Variants in CTNND2 observed in about 807,000 individuals in gnomAD.
The protein encoded by CTNND2 is catenin delta 2, also known as catenin delta-2.
CTNND2 carries 22 observed loss-of-function variants against 144.4 expected under a neutral mutation model. The ratio of observed to expected loss-of-function variants is 0.15; its 90% CI spans 0.11 to 0.22. The LOEUF is 0.22. CTNND2 is among the 10% of genes least tolerant of loss of function. The pLI, the probability that CTNND2 is intolerant of heterozygous loss-of-function variation, is 1.00. For synonymous variants in CTNND2, 751 were observed against 695.6 expected, an observed-to-expected ratio of 1.08 and a Z score of -1.25; for missense variants, 1,353 against 1,618.8, an observed-to-expected ratio of 0.84 and a Z score of 2.82.
At chr5:11,411,989 A>C in intron 4 of CTNND2, 46 bp downstream of exon 4, 1 of 1,469,588 alleles carries the variant, frequency 6.8e-7, no homozygotes, top group Non-Finnish European at 9.5e-7. Context: ...TCATCAGTAG[A>C]GATATGTTTA....
intron 1 of CTNND2, among the ~76,000 whole-genome samples, chr5:11,758,282 T>C (rs964828814): frequency 6.6e-6 from 1 of 151,958 alleles, no homozygotes; most frequent in Non-Finnish European, 1.5e-5. Context: ...TGTTTTGATA[T>C]ATATTTATGG....
At chr5:11,898,545 T>G (rs1737589066) in intron 1 of CTNND2, among the ~76,000 whole-genome samples, 1 of 152,182 alleles carries the variant, frequency 6.6e-6, no homozygotes, top group African/African-American at 2.4e-5. Flanking sequence ...TATTTTCTAA[T>G]ATCAATGATC....
At chr5:11,469,357 T>C (rs1766950829) in intron 3 of CTNND2, among the ~76,000 whole-genome samples, 1 of 152,176 alleles carries the variant, frequency 6.6e-6, no homozygotes, top group African/African-American at 2.4e-5. Context: ...GATCAGCCAA[T>C]ATCAGTTCAG....
At chr5:11,230,574 C>T (rs906507558) in intron 10 of CTNND2, among the ~76,000 whole-genome samples, 2 of 152,150 alleles carry the variant, frequency 1.3e-5, no homozygotes, top group South Asian at 2.1e-4. Context: ...ATCATGCCTG[C>T]GCCCTTTAAA....
chr5:11,662,487 T>C (rs948644688), intron 2 of CTNND2, among the ~76,000 whole-genome samples: 7 of 151,882 alleles, frequency 4.6e-5, no homozygotes, highest in Admixed American at 4.6e-4. Context: ...GCTAAGCCAG[T>C]CTAGACTTTT....
At chr5:11,444,173 G>A (rs1764588790) in intron 3 of CTNND2, among the ~76,000 whole-genome samples, 1 of 152,210 alleles carries the variant, frequency 6.6e-6, no homozygotes, top group Non-Finnish European at 1.5e-5. Context: ...TGAATGCACT[G>A]TGGAAGTGAT....
chr5:11,143,456 T>G (rs978245816), intron 12 of CTNND2, among the ~76,000 whole-genome samples: 1 of 152,206 alleles, frequency 6.6e-6, no homozygotes, highest in Admixed American at 6.5e-5. Context: ...CTGGCAGTCT[T>G]TGATGCTCTA....
chr5:11,225,800 A>G (rs776744759), intron 10 of CTNND2, among the ~76,000 whole-genome samples: 1 of 152,176 alleles, frequency 6.6e-6, no homozygotes, highest in Admixed American at 6.5e-5. Context: ...GATATATTGA[A>G]ACCCTAGTAC....
chr5:11,175,605 GA>G (rs1760402377), intron 11 of CTNND2, among the ~76,000 whole-genome samples: 3 of 149,878 alleles, frequency 2.0e-5, no homozygotes, highest in Non-Finnish European at 4.4e-5. Flanking sequence ...TGTATTGATG[GA>G]CATTTAAGTT....
chr5:11,846,647 G>A (rs78265923), intron 1 of CTNND2, among the ~76,000 whole-genome samples: 37 of 152,208 alleles, frequency 2.4e-4, no homozygotes, highest in African/African-American at 8.7e-4. Context: ...ACAATAAAGT[G>A]AAGAGACACC....
chr5:11,169,479 C>A (rs1412547099), intron 11 of CTNND2, among the ~76,000 whole-genome samples: 3 of 152,172 alleles, frequency 2.0e-5, no homozygotes, highest in Admixed American at 6.5e-5. Context: ...TCCATAAATT[C>A]ATCACCTTAT....
At chr5:11,547,246 C>T (rs749080388) in intron 3 of CTNND2, among the ~76,000 whole-genome samples, 40 of 145,840 alleles carry the variant, frequency 2.7e-4, no homozygotes, top group Middle Eastern at 3.5e-3. Flanking sequence ...CTGGCCTGGG[C>T]GACAGTGTGA....
intron 1 of CTNND2, among the ~76,000 whole-genome samples, chr5:11,795,775 TTC>T (rs1278991898): frequency 6.6e-6 from 1 of 152,234 alleles, no homozygotes; most frequent in East Asian, 1.9e-4. Flanking sequence ...GATGTGACTC[TTC>T]TGTCTTACTC....
chr5:11,753,773 G>A (rs1388448663), intron 1 of CTNND2, among the ~76,000 whole-genome samples: 2 of 151,744 alleles, frequency 1.3e-5, no homozygotes. Flanking sequence ...ACACCTGATA[G>A]AACTCAGATG....
At chr5:11,366,322 C>T (rs1456826770) in intron 7 of CTNND2, among the ~76,000 whole-genome samples, 1 of 152,020 alleles carries the variant, frequency 6.6e-6, no homozygotes, top group East Asian at 1.9e-4. Context: ...ACACAGAGAA[C>T]AGTATTCCTG....
intron 2 of CTNND2, among the ~76,000 whole-genome samples, chr5:11,674,716 T>TTTGTTTGTTTGGTTGGTTGG (rs368963579): frequency 3.0e-4 from 45 of 151,000 alleles, no homozygotes; most frequent in African/African-American, 1.0e-3. Flanking sequence ...TGTTTGTTTG[T>TTTGTTTGTTTGGTTGGTTGG]TTGGTTGGTT....
At chr5:11,849,955 G>T (rs554169825) in intron 1 of CTNND2, among the ~76,000 whole-genome samples, 1 of 152,252 alleles carries the variant, frequency 6.6e-6, no homozygotes, top group African/African-American at 2.4e-5. Context: ...CTGGCCATAA[G>T]ATAGGAGGTT....
intron 5 of CTNND2, among the ~76,000 whole-genome samples, chr5:11,407,379 A>G (rs1353719245): frequency 6.6e-6 from 1 of 152,166 alleles, no homozygotes; most frequent in Non-Finnish European, 1.5e-5. Context: ...TGGTTTACCA[A>G]GTGTTTCAGA....
intron 3 of CTNND2, among the ~76,000 whole-genome samples, chr5:11,419,684 C>T (rs1446036563): frequency 6.6e-6 from 1 of 152,144 alleles, no homozygotes; most frequent in Non-Finnish European, 1.5e-5. Flanking sequence ...CTCATCATTC[C>T]AACATCATAG....
Sources: gnomAD v4.1 joint callset for allele counts (sites outside exome capture counted in the v4.1 genomes callset) on GRCh38, gnomAD v4.1.1 for gene constraint, MANE v1.5 for transcripts, NCBI Gene and HGNC (gene_info 2026-07-23, HGNC 2026-07-21) for gene names.